The following EPAS1 variants were observed in gnomAD, a reference collection of about 807,000 sequenced individuals.
EPAS1 encodes the protein endothelial PAS domain protein 1, also known as endothelial PAS domain-containing protein 1.
Under a neutral mutation model 87.9 loss-of-function variants are expected in EPAS1, and 23 were observed. The observed-to-expected ratio is 0.26, with a 90% CI of 0.19 to 0.37. The LOEUF is 0.37. Ranked by LOEUF, EPAS1 falls within the 10% of genes least tolerant of loss-of-function variation. The probability of loss-of-function intolerance (pLI) is 1.00; values close to 1 mark genes in which losing one functional copy is unlikely to be tolerated. For synonymous variants in EPAS1, 508 were observed against 444.3 expected (o/e 1.14, Z -1.80); for missense variants, 1,138 against 1,120.7 (o/e 1.02, Z -0.22).
At chr2:46,382,203 T>A in intron 14 of EPAS1, 114 bp downstream of exon 14, 1 of 1,132,490 alleles carries the variant, frequency 8.8e-7, no homozygotes, top group East Asian at 2.5e-5. Context: ...TCTCTGAGCC[T>A]TGTTAGAATG....
At chr2:46,372,936 C>T (rs1291551059) in intron 7 of EPAS1, among the ~76,000 whole-genome samples, 1 of 152,194 alleles carries the variant, frequency 6.6e-6, no homozygotes, top group African/African-American at 2.4e-5. Flanking sequence ...GCAGAGAGGA[C>T]AAAAGTTATT....
intron 6 of EPAS1, among the ~76,000 whole-genome samples, chr2:46,362,266 G>C (rs1471202273): frequency 6.6e-6 from 1 of 152,162 alleles, no homozygotes; most frequent in African/African-American, 2.4e-5. Flanking sequence ...CTCCAAAATA[G>C]AGATAACACT....
At chr2:46,383,569 G>A (rs1684947808) in intron 15 of EPAS1, among the ~76,000 whole-genome samples, 1 of 152,168 alleles carries the variant, frequency 6.6e-6, no homozygotes. Context: ...TTAAATTCTG[G>A]CTCTGCTGTT....
In EPAS1 at chr2:46,300,551, C is replaced by T. The variant is rs1161599222; in HGVS notation, c.26+2614C>T. On this transcript the variant is annotated intron_variant, in intron 1 of 15. Coordinates refer to ENST00000263734, the MANE Select transcript of EPAS1 (RefSeq NM_001430.5). The surrounding 1 kb of genome is among the most constrained non-coding windows in gnomAD (Gnocchi z 4.1). Reference sequence around the variant, plus strand: ...TGGTGGTAGTGGGCATTTGCGGTGACATCACAGATGTCAGAAACTGAAGCC... The same window carrying T: ...TGGTGGTAGTGGGCATTTGCGGTGATATCACAGATGTCAGAAACTGAAGCC... Among the ~76,000 whole-genome samples, 1 of 152,156 alleles carries T rather than the reference C, an allele frequency of 6.6e-6. No individual in the cohort carries two copies. Among genetic ancestry groups the T allele is most frequent in the Non-Finnish European group, 1.5e-5 (1 of 68,030 alleles).
intron 12 of EPAS1, chr2:46,381,378 C>A: frequency 1.5e-6 from 1 of 665,674 alleles, no homozygotes; most frequent in Non-Finnish European, 2.6e-6. Context: ...ATCCCCCAGA[C>A]CAGGAGGCTT....
intron 1 of EPAS1, among the ~76,000 whole-genome samples, chr2:46,320,247 G>T (rs1386174125): frequency 1.3e-5 from 2 of 152,160 alleles, no homozygotes; most frequent in Non-Finnish European, 2.9e-5. Context: ...GAAATTTGTT[G>T]ATTTTGTAAT....
At chr2:46,301,399 A>AC (rs1201275932) in intron 1 of EPAS1, among the ~76,000 whole-genome samples, 3 of 152,044 alleles carry the variant, frequency 2.0e-5, no homozygotes, top group African/African-American at 7.2e-5. Flanking sequence ...ACATGGTGAA[A>AC]CCCCGTCTCT....
chr2:46,316,128 G>T (rs1683310908), intron 1 of EPAS1, among the ~76,000 whole-genome samples: 2 of 151,880 alleles, frequency 1.3e-5, no homozygotes, highest in Non-Finnish European at 2.9e-5. Context: ...GATATTGTAG[G>T]TTCGTTCCAG....
Position 46,331,123 on chromosome 2 carries a change from T to C in EPAS1, c.27-15750T>C. On this transcript the variant is annotated intron_variant, in intron 1 of 15. Coordinates refer to ENST00000263734, the MANE Select transcript of EPAS1 (RefSeq NM_001430.5). ...GCAGGCACTCATAGACGCTGAGGTTTAGAGAAACTTAAGTAACTTGCCCCA... is the reference window on the plus strand; with the variant it reads ...GCAGGCACTCATAGACGCTGAGGTTCAGAGAAACTTAAGTAACTTGCCCCA... Among the ~76,000 whole-genome samples the C allele has an allele frequency of 1.3e-5, 2 of 152,224 alleles. 1 individual carries two copies. Among genetic ancestry groups the C allele is most frequent in the Non-Finnish European group, 2.9e-5 (2 of 68,044 alleles).
rs186033453 is a variant in EPAS1, at chr2:46,340,313, G to A, written c.27-6560G>A. On this transcript the variant is annotated intron_variant, in intron 1 of 15. Coordinates refer to ENST00000263734, the MANE Select transcript of EPAS1 (RefSeq NM_001430.5). ...GTGAGCCCCAGACATTACTGTCAGC[G>A]CTGAATGCAGTCCAGGCCCTCTGCT... Among the ~76,000 whole-genome samples the A allele has an allele frequency of 9.1e-4, 131 of 143,970 alleles. No homozygotes were observed. The East Asian group carries it at 0.011, about 12-fold the overall frequency. The allele number at this position is 143,970 out of a possible 152,430, so 94.4% of individuals were successfully genotyped here. A position where few individuals can be genotyped will look rare whatever the true frequency, so the allele number is the denominator to read the frequency against.
intron 6 of EPAS1, among the ~76,000 whole-genome samples, chr2:46,364,672 A>G (rs1684467186): frequency 6.6e-6 from 1 of 152,250 alleles, no homozygotes; most frequent in Non-Finnish European, 1.5e-5. Context: ...GGTCACATTT[A>G]TGTACCTATG....
chr2:46,356,017 T>C (rs1684262090), intron 2 of EPAS1, 134 bp from the exon 3 acceptor site: 2 of 927,728 alleles, frequency 2.2e-6, no homozygotes, highest in Non-Finnish European at 3.5e-6. Context: ...GACATTCAGA[T>C]GGTTGGCAGT....
intron 4 of EPAS1, 81 bp downstream of exon 4, chr2:46,356,889 A>G: frequency 2.0e-6 from 2 of 1,013,266 alleles, no homozygotes; most frequent in Non-Finnish European, 3.1e-6. Flanking sequence ...TATAAGGGAG[A>G]TAGCTCATGG....
intron 1 of EPAS1, among the ~76,000 whole-genome samples, chr2:46,329,847 A>T (rs1683640215): frequency 6.6e-6 from 1 of 152,114 alleles, no homozygotes; most frequent in Admixed American, 6.5e-5. Flanking sequence ...CAAAACACAC[A>T]CACACATCCT....
chr2:46,303,071 A>T (rs753394081), intron 1 of EPAS1, among the ~76,000 whole-genome samples: 1 of 152,154 alleles, frequency 6.6e-6, no homozygotes, highest in Non-Finnish European at 1.5e-5. Flanking sequence ...AGACAACGTC[A>T]AAGAAAGAAA....
In EPAS1 at chr2:46,320,040, A is replaced by G. The variant is rs931059135; in HGVS notation, c.26+22103A>G. Among the ~76,000 whole-genome samples, 5 of 152,326 alleles carry G rather than the reference A, an allele frequency of 3.3e-5. No homozygotes were observed. In the East Asian group the frequency reaches 5.8e-4, roughly 18 times the overall value. ...TAGTTGTCTGCTCTTCAGGCAAATGATCTATTACAACAATCTGAATAATTA... is the reference window on the plus strand; with the variant it reads ...TAGTTGTCTGCTCTTCAGGCAAATGGTCTATTACAACAATCTGAATAATTA... On this transcript the variant is annotated intron_variant, in intron 1 of 15. Coordinates refer to ENST00000263734, the MANE Select transcript of EPAS1 (RefSeq NM_001430.5).
rs149751277 is a variant in EPAS1 at position 46,300,425 on chromosome 2, G to A, written c.26+2488G>A. 6.6e-6 allele frequency among the ~76,000 whole-genome samples: 1 copy of A among 152,328 alleles called. No individual in the cohort carries two copies. The highest frequency in any genetic ancestry group is 1.9e-4 in the East Asian group (1 of 5,190). ...CGTCAAGAAGTGGGCAGATGATTTT[G>A]TCCCAGAATGTTCACACGTCGATAA... On this transcript the variant is annotated intron_variant, in intron 1 of 15. Coordinates refer to ENST00000263734, the MANE Select transcript of EPAS1 (RefSeq NM_001430.5). The surrounding 1 kb of genome is among the most constrained non-coding windows in gnomAD (Gnocchi z 4.1).
At chr2:46,356,013 C>G (rs1684262012) in intron 2 of EPAS1, 138 bp from the exon 3 acceptor site, 3 of 907,496 alleles carry the variant, frequency 3.3e-6, no homozygotes, top group African/African-American at 1.6e-5. Context: ...GGCAGACATT[C>G]AGATGGTTGG....
chr2:46,363,691 G>T (rs1684448726), intron 6 of EPAS1, among the ~76,000 whole-genome samples: 1 of 152,206 alleles, frequency 6.6e-6, no homozygotes, highest in African/African-American at 2.4e-5. Context: ...CTTAAAGGAA[G>T]TATCAAGCCT....
Sources: gnomAD v4.1 joint callset for allele counts (sites outside exome capture counted in the v4.1 genomes callset) on GRCh38, gnomAD v4.1.1 for gene constraint, Gnocchi (gnomAD v3.1) non-coding constraint, MANE v1.5 for transcripts, NCBI Gene and HGNC (gene_info 2026-07-23, HGNC 2026-07-21) for gene names.